The following MTUS2 variants were observed in gnomAD, a reference collection of about 807,000 sequenced individuals.
MTUS2 encodes microtubule-associated tumor suppressor candidate 2.
In MTUS2, 40 loss-of-function variants were observed where a neutral mutation model predicts 114.1. The ratio of observed to expected loss-of-function variants is 0.35; its 90% CI spans 0.27 to 0.46. MTUS2 has a LOEUF of 0.46. Ranked by LOEUF, MTUS2 falls within the 20% of genes least tolerant of loss-of-function variation. The pLI, the probability that MTUS2 is intolerant of heterozygous loss-of-function variation, is 1.00. For missense variants in MTUS2, 1,679 were observed against 1,705.4 expected, an observed-to-expected ratio of 0.98 and a Z score of 0.27; for synonymous variants, 688 against 672.0, an observed-to-expected ratio of 1.02 and a Z score of -0.37.
intron 4 of MTUS2, among the ~76,000 whole-genome samples, chr13:29,051,012 A>G (rs2138602172): frequency 6.6e-6 from 1 of 152,316 alleles, no homozygotes; most frequent in Middle Eastern, 3.4e-3. Context: ...TTTGGATATT[A>G]ATTCCAAAAC....
At chr13:29,092,786 A>G (rs2987345) in intron 4 of MTUS2, among the ~76,000 whole-genome samples, 102,254 of 152,156 alleles carry the variant, frequency 0.67, 35,085 homozygotes, top group Non-Finnish European at 0.74. Context: ...TCATGTATCA[A>G]TTATTCCACA....
intron 5 of MTUS2, among the ~76,000 whole-genome samples, chr13:29,245,151 A>G (rs1896874820): frequency 6.6e-6 from 1 of 152,100 alleles, no homozygotes; most frequent in South Asian, 2.1e-4. Context: ...ATAGACATGC[A>G]TCAGGATTAG....
At chr13:29,223,042 C>G (rs1283732532) in intron 5 of MTUS2, among the ~76,000 whole-genome samples, 1 of 152,210 alleles carries the variant, frequency 6.6e-6, no homozygotes, top group African/African-American at 2.4e-5. Context: ...AGTCTGGACA[C>G]TGTGGGCACC....
intron 9 of MTUS2, among the ~76,000 whole-genome samples, chr13:29,460,146 T>A (rs946445096): frequency 6.6e-6 from 1 of 152,180 alleles, no homozygotes; most frequent in Non-Finnish European, 1.5e-5. Context: ...GTTTTACAGA[T>A]GAGAATATTG....
At chr13:29,006,048 T>C (rs1478359034) in intron 2 of MTUS2, among the ~76,000 whole-genome samples, 2 of 152,226 alleles carry the variant, frequency 1.3e-5, no homozygotes, top group East Asian at 3.8e-4. Context: ...GGATTTGGTT[T>C]CTAGAACAGA....
chr13:29,186,732 G>C (rs535431654), intron 5 of MTUS2, among the ~76,000 whole-genome samples: 2 of 152,280 alleles, frequency 1.3e-5, no homozygotes, highest in East Asian at 3.9e-4. Context: ...GGCAAACGAG[G>C]AGGTGGAAAA....
At chr13:29,164,195 G>C (rs1234595805) in intron 5 of MTUS2, among the ~76,000 whole-genome samples, 1 of 152,208 alleles carries the variant, frequency 6.6e-6, no homozygotes, top group Non-Finnish European at 1.5e-5. Flanking sequence ...TGCACACAGT[G>C]CTCTGTAACC....
intron 8 of MTUS2, among the ~76,000 whole-genome samples, chr13:29,397,378 C>T (rs559979762): frequency 1.9e-4 from 29 of 152,272 alleles, no homozygotes; most frequent in African/African-American, 6.7e-4. Flanking sequence ...AGTTTCTTGG[C>T]GCCTCTATTT....
intron 8 of MTUS2, among the ~76,000 whole-genome samples, chr13:29,401,213 T>C (rs1210292360): frequency 6.6e-6 from 1 of 152,220 alleles, no homozygotes; most frequent in African/African-American, 2.4e-5. Context: ...CTCAAACTCC[T>C]GGCCTCAGGT....
chr13:29,281,446 T>TGC (rs1013246303), intron 5 of MTUS2, among the ~76,000 whole-genome samples: 1 of 151,970 alleles, frequency 6.6e-6, no homozygotes, highest in Non-Finnish European at 1.5e-5. Context: ...TGTGTGTGTG[T>TGC]GTGCATGCAG....
intron 9 of MTUS2, among the ~76,000 whole-genome samples, chr13:29,457,006 A>C (rs541315162): frequency 6.6e-6 from 1 of 151,802 alleles, no homozygotes; most frequent in Non-Finnish European, 1.5e-5. Flanking sequence ...TTAGCCAGGC[A>C]TGGTGGCAGG....
At chr13:28,974,471 A>G (rs1398512302) in intron 2 of MTUS2, among the ~76,000 whole-genome samples, 1 of 152,168 alleles carries the variant, frequency 6.6e-6, no homozygotes, top group East Asian at 1.9e-4. Flanking sequence ...ATGAACACCA[A>G]TGTTGATTCC....
intron 2 of MTUS2, among the ~76,000 whole-genome samples, chr13:28,903,215 C>T (rs556482239): frequency 5.9e-5 from 9 of 151,932 alleles, no homozygotes; most frequent in African/African-American, 2.2e-4. Flanking sequence ...GAGAGTTTTG[C>T]TGGATAAATA....
At chr13:28,943,860 T>C (rs1439108720) in intron 2 of MTUS2, among the ~76,000 whole-genome samples, 1 of 152,190 alleles carries the variant, frequency 6.6e-6, no homozygotes, top group African/African-American at 2.4e-5. Context: ...TTCTAGGGGA[T>C]GCTCAGGAGT....
chr13:28,888,125 C>T (rs1203065855), intron 2 of MTUS2, among the ~76,000 whole-genome samples: 3 of 152,190 alleles, frequency 2.0e-5, no homozygotes, highest in African/African-American at 7.2e-5. Context: ...AAACACTGTT[C>T]ATTCCTCTCT....
chr13:29,203,580 A>AC (rs1555251359), intron 5 of MTUS2, among the ~76,000 whole-genome samples: 4 of 142,780 alleles, frequency 2.8e-5, no homozygotes, highest in African/African-American at 1.0e-4. Flanking sequence ...AAAAAAAAAA[A>AC]CTCCTGCAGC....
intron 2 of MTUS2, among the ~76,000 whole-genome samples, chr13:28,976,476 G>A (rs372726048): frequency 5.9e-5 from 9 of 152,260 alleles, no homozygotes; most frequent in African/African-American, 1.9e-4. Context: ...AACAGGTGTG[G>A]ACTGGAATAT....
intron 2 of MTUS2, among the ~76,000 whole-genome samples, chr13:28,866,073 T>A (rs1468643693): frequency 6.6e-6 from 1 of 152,144 alleles, no homozygotes; most frequent in African/African-American, 2.4e-5. Flanking sequence ...TCACTGATGC[T>A]GTATTTAAAT....
intron 5 of MTUS2, among the ~76,000 whole-genome samples, chr13:29,211,427 T>C (rs531684210): frequency 1.3e-5 from 2 of 152,410 alleles, no homozygotes; most frequent in African/African-American, 2.4e-5. Context: ...CAGCAGCTTC[T>C]GTGCGCCTAT....
Sources: gnomAD v4.1 joint callset for allele counts (sites outside exome capture counted in the v4.1 genomes callset) on GRCh38, gnomAD v4.1.1 for gene constraint, MANE v1.5 for transcripts, NCBI Gene and HGNC (gene_info 2026-07-23, HGNC 2026-07-21) for gene names.